PPHLN1: variants seen among roughly 807,000 people sequenced by gnomAD.
PPHLN1 encodes the protein periphilin 1.
Under a neutral mutation model 51.3 loss-of-function variants are expected in PPHLN1, and 29 were observed. That is an observed-to-expected ratio of 0.57 (90% CI 0.42 to 0.77). The LOEUF (loss-of-function observed/expected upper bound fraction) is 0.77. PPHLN1 is among the 30% of genes least tolerant of loss of function. The probability of loss-of-function intolerance (pLI) is 0.00; values close to 1 mark genes in which losing one functional copy is unlikely to be tolerated. For missense variants in PPHLN1, 436 were observed against 438.4 expected (o/e 0.99, Z 0.05); for synonymous variants, 147 against 147.8 (o/e 0.99, Z 0.04).
intron 4 of PPHLN1, among the ~76,000 whole-genome samples, chr12:42,370,588 C>G (rs1413770874): frequency 6.6e-6 from 1 of 152,092 alleles, no homozygotes; most frequent in Non-Finnish European, 1.5e-5. Flanking sequence ...ATTTTTGTGT[C>G]TTGCGTTATC....
At chr12:42,340,980 TTTC>T (rs200890442) in intron 2 of PPHLN1, among the ~76,000 whole-genome samples, 3,452 of 147,768 alleles carry the variant, frequency 0.023, 153 homozygotes, top group African/African-American at 0.084. Flanking sequence ...TCTTTCTTTC[TTTC>T]TTTTTTTTTT....
intron 5 of PPHLN1, among the ~76,000 whole-genome samples, chr12:42,378,799 T>G (rs545877632): frequency 1.3e-5 from 2 of 152,270 alleles, no homozygotes; most frequent in East Asian, 3.9e-4. Flanking sequence ...TTGAACTACT[T>G]CAAACTAATT....
intron 9 of PPHLN1, among the ~76,000 whole-genome samples, chr12:42,431,388 A>G (rs146010920): frequency 9.5e-4 from 145 of 152,304 alleles, no homozygotes; most frequent in African/African-American, 3.2e-3. Flanking sequence ...CCCATCTGCC[A>G]TATTTTGAAA....
chr12:42,417,569 T>C (rs995437526), intron 9 of PPHLN1, among the ~76,000 whole-genome samples: 4 of 152,164 alleles, frequency 2.6e-5, no homozygotes, highest in Admixed American at 2.6e-4. Context: ...TTTGGACTTT[T>C]TCCAACAATT....
rs1252384047 is a variant in PPHLN1, at chr12:42,398,786, T to TAC, written c.769-64_769-63dup. 6 of 1,479,374 alleles carry TAC rather than the reference T, an allele frequency of 4.1e-6. No homozygotes were observed. In the African/African-American group the frequency reaches 8.5e-5, roughly 21 times the overall value. The allele number at this position is 1,479,374 out of a possible 1,614,324, so 91.6% of individuals were successfully genotyped here. A position where few individuals can be genotyped will look rare whatever the true frequency, so the allele number is the denominator to read the frequency against. On this transcript the variant is annotated intron_variant, in intron 8 of 9. Coordinates refer to ENST00000358314, the MANE Select transcript of PPHLN1 (RefSeq NM_201439.2). ...AATATAATTTGCCAGTTAGTGCCTA[T>TAC]ACACAACCATCTGAACTGCTCTATG...
chr12:42,332,973 A>G (rs1304174683), intron 1 of PPHLN1, among the ~76,000 whole-genome samples: 2 of 152,190 alleles, frequency 1.3e-5, no homozygotes, highest in Non-Finnish European at 2.9e-5. Context: ...TTTGTAATAC[A>G]TAATAGTATA....
Position 42,393,613 on chromosome 12 carries a change from A to G in PPHLN1, c.692A>G (p.Glu231Gly). The G allele has an allele frequency of 6.2e-7, 1 of 1,609,988 alleles. No individual in the cohort carries two copies. The highest frequency in any genetic ancestry group is 8.5e-7 in the Non-Finnish European group (1 of 1,178,190). Residue 231 changes from glutamate (E) to glycine (G), a missense_variant, in exon 8 of 10, where the codon GAG (glutamate) becomes GGG (glycine). Glu to Gly is a moderately conservative substitution (Grantham distance 98). Coordinates refer to ENST00000358314, the MANE Select transcript of PPHLN1 (RefSeq NM_201439.2). ...AGGCTAACTGAAAAGGAACTTGCTGAGGCTGCAAGCAAGTGGGCTGCTGAA... is the reference window on the plus strand; with the variant it reads ...AGGCTAACTGAAAAGGAACTTGCTGGGGCTGCAAGCAAGTGGGCTGCTGAA... ...PSRLTEKELAEAASKWAAEKL... is the reference protein window; with the variant it reads ...PSRLTEKELAGAASKWAAEKL...
downstream of PPHLN1, chr12:42,446,264 T>G (rs868647299): frequency 6.2e-7 from 1 of 1,604,584 alleles, no homozygotes; most frequent in Middle Eastern, 1.7e-4. Context: ...TGCTATGCTC[T>G]CTGTTGTACA....
intron 9 of PPHLN1, among the ~76,000 whole-genome samples, chr12:42,419,390 C>T (rs969520659): frequency 1.2e-4 from 5 of 42,918 alleles, no homozygotes; most frequent in African/African-American, 3.1e-4. Flanking sequence ...TACAGGCACC[C>T]ACCACCACAC....
chr12:42,387,242 A>G (rs565810842), intron 6 of PPHLN1: 20 of 410,512 alleles, frequency 4.9e-5, no homozygotes, highest in Non-Finnish European at 6.7e-5. Context: ...ACTGGCTTCT[A>G]TGATATCCTT....
chr12:42,368,488 G>A (rs2075492692), intron 4 of PPHLN1, among the ~76,000 whole-genome samples: 1 of 152,116 alleles, frequency 6.6e-6, no homozygotes, highest in Non-Finnish European at 1.5e-5. Flanking sequence ...GCTATGTCTG[G>A]AGAGGTTAGG....
chr12:42,420,372 A>G (rs2080878222), intron 9 of PPHLN1, among the ~76,000 whole-genome samples: 1 of 151,770 alleles, frequency 6.6e-6, no homozygotes, highest in African/African-American at 2.4e-5. Flanking sequence ...ACATTTTGAA[A>G]CTTGTCTCTT....
At chr12:42,422,491 T>G (rs2081092509) in intron 9 of PPHLN1, among the ~76,000 whole-genome samples, 1 of 152,250 alleles carries the variant, frequency 6.6e-6, no homozygotes, top group Admixed American at 6.5e-5. Context: ...CTTCTGACTC[T>G]TATCTGAACC....
chr12:42,436,919 C>T (rs2082532245), intron 9 of PPHLN1, among the ~76,000 whole-genome samples: 3 of 152,212 alleles, frequency 2.0e-5, no homozygotes, highest in African/African-American at 7.2e-5. Context: ...CAGCAGGTAA[C>T]TGAAATCTCA....
At chr12:42,446,168 T>G (rs1349457987), downstream of PPHLN1, 30 of 1,607,370 alleles carry the variant, frequency 1.9e-5, no homozygotes, top group Non-Finnish European at 2.5e-5. Flanking sequence ...AGACATTACC[T>G]GGGGGATGCT....
At chr12:42,411,792 C>T (rs1365273860) in intron 9 of PPHLN1, among the ~76,000 whole-genome samples, 2 of 149,872 alleles carry the variant, frequency 1.3e-5, no homozygotes, top group African/African-American at 4.9e-5. Flanking sequence ...GTAGTCTCAG[C>T]CACTCGGGAG....
intron 9 of PPHLN1, chr12:42,433,097 A>T: frequency 3.8e-6 from 3 of 784,844 alleles, no homozygotes; most frequent in Non-Finnish European, 7.1e-6. Flanking sequence ...TGACAGGCCA[A>T]AGTTGTTCAA....
At chr12:42,420,138 T>G (rs1239944140) in intron 9 of PPHLN1, among the ~76,000 whole-genome samples, 1 of 152,170 alleles carries the variant, frequency 6.6e-6, no homozygotes, top group Non-Finnish European at 1.5e-5. Context: ...GGATTCAGTG[T>G]TTAGAGGAAA....
intron 2 of PPHLN1, among the ~76,000 whole-genome samples, chr12:42,347,505 C>T (rs1019455575): frequency 2.0e-5 from 3 of 152,098 alleles, no homozygotes; most frequent in African/African-American, 7.2e-5. Context: ...AAGGGGCGGG[C>T]GCAGTGGCTC....
Sources: allele counts gnomAD v4.1 joint callset (sites outside exome capture counted in the v4.1 genomes callset), GRCh38; gene constraint gnomAD v4.1.1; transcripts MANE v1.5; gene names NCBI Gene and HGNC (gene_info 2026-07-23, HGNC 2026-07-21).